Variants in TAFA2 observed in about 807,000 individuals in gnomAD.
TAFA2 encodes the protein chemokine-like protein TAFA-2.
In TAFA2, 7 loss-of-function variants were observed where a neutral mutation model predicts 18.8. The observed-to-expected ratio is 0.37, with a 90% CI of 0.21 to 0.70. The LOEUF (loss-of-function observed/expected upper bound fraction) is 0.70, where lower values mean the gene tolerates loss of function less well. Among genes scored for constraint, TAFA2 ranks in the 30% least tolerant of loss-of-function variants. The pLI is 0.53. For synonymous variants in TAFA2, 60 were observed against 54.2 expected (o/e 1.11, Z -0.47); for missense variants, 122 against 158.1 (o/e 0.77, Z 1.23).
chr12:61,728,095 A>T (rs1382076133), intron 4 of TAFA2, among the ~76,000 whole-genome samples: 3 of 140,170 alleles, frequency 2.1e-5, no homozygotes, highest in African/African-American at 8.0e-5. Context: ...AGAGTACTTG[A>T]TATATTTTGA....
chr12:62,153,991 A>G (rs1210217960), intron 1 of TAFA2, among the ~76,000 whole-genome samples: 1 of 101,416 alleles, frequency 9.9e-6, no homozygotes, highest in Admixed American at 9.2e-5. Context: ...GTTGTTTTGT[A>G]CTAGAGCCTC....
Position 62,019,232 on chromosome 12 carries a change from G to T in TAFA2, c.-1-151806C>A, listed in dbSNP as rs546151350. The stretch of plus-strand genomic sequence containing the variant: ...ACACTTTTACACTGTTGGTGGGACT[G>T]TAAACTAGTTCAGCCATTGTGGAAG... On this transcript the variant is annotated intron_variant, in intron 1 of 4. Coordinates refer to ENST00000416284, the MANE Select transcript of TAFA2 (RefSeq NM_178539.5). 2.4e-3 allele frequency among the ~76,000 whole-genome samples: 370 copies of T among 152,212 alleles called. 1 individual carries two copies. The highest frequency in any genetic ancestry group is 8.1e-3 in the African/African-American group (335 of 41,508).
At chr12:61,720,066 T>C (rs991236306) in intron 4 of TAFA2, among the ~76,000 whole-genome samples, 3 of 152,098 alleles carry the variant, frequency 2.0e-5, no homozygotes, top group African/African-American at 7.2e-5. Flanking sequence ...GTTTCCTAGA[T>C]GTAATTCTTT....
At chr12:62,010,197 G>T (rs1378644719) in intron 1 of TAFA2, among the ~76,000 whole-genome samples, 2 of 120,592 alleles carry the variant, frequency 1.7e-5, no homozygotes, top group Admixed American at 2.4e-4. Flanking sequence ...TCTTTATTTG[G>T]TCTCCCTCTG....
At chr12:61,961,080 T>G (rs2136653623) in intron 1 of TAFA2, among the ~76,000 whole-genome samples, 1 of 151,850 alleles carries the variant, frequency 6.6e-6, no homozygotes, top group South Asian at 2.1e-4. Flanking sequence ...CCTCAGGAAA[T>G]GTACAATCAT....
intron 1 of TAFA2, among the ~76,000 whole-genome samples, chr12:62,062,728 T>C (rs1052808060): frequency 4.6e-5 from 7 of 152,204 alleles, no homozygotes; most frequent in Non-Finnish European, 7.3e-5. Context: ...CTGCATTCCT[T>C]TCTGGAGGCT....
chr12:62,131,625 T>C lies in TAFA2; in HGVS notation c.-2+59634A>G, dbSNP rs758074377. On this transcript the variant is annotated intron_variant, in intron 1 of 4. Transcript: ENST00000416284. ...TTATAACAAAGCAATAGAAACACGA[T>C]TTAAAAAAAATTAATTCAAGGAAAC... is the stretch of plus-strand genomic sequence containing the variant. Among the ~76,000 whole-genome samples the C allele has an allele frequency of 6.3e-4, 96 of 151,674 alleles. 1 individual carries two copies. The highest frequency in any genetic ancestry group is 3.3e-4 in the Admixed American group (5 of 15,204).
At chr12:61,911,164 A>G (rs1056962304) in intron 1 of TAFA2, among the ~76,000 whole-genome samples, 2 of 152,176 alleles carry the variant, frequency 1.3e-5, no homozygotes, top group Admixed American at 6.6e-5. Flanking sequence ...TTTGGGGTTT[A>G]GATTCTACAT....
intron 1 of TAFA2, among the ~76,000 whole-genome samples, chr12:62,097,151 A>T (rs1868986660): frequency 6.6e-6 from 1 of 152,168 alleles, no homozygotes; most frequent in Admixed American, 6.6e-5. Context: ...CAAAAACTGA[A>T]CCAAAAAGAC....
intron 1 of TAFA2, among the ~76,000 whole-genome samples, chr12:62,073,061 A>G (rs769506413): frequency 4.1e-4 from 62 of 152,244 alleles, no homozygotes; most frequent in Non-Finnish European, 7.5e-4. Context: ...AGCAAGAGCT[A>G]AAACAAACTA....
intron 1 of TAFA2, among the ~76,000 whole-genome samples, chr12:61,959,889 G>T (rs1878822652): frequency 6.6e-6 from 1 of 151,652 alleles, no homozygotes; most frequent in Non-Finnish European, 1.5e-5. Flanking sequence ...TTAGAGAGGG[G>T]TGTCACTGTG....
chr12:61,843,951 T>G (rs1873296715), intron 2 of TAFA2, among the ~76,000 whole-genome samples: 1 of 152,094 alleles, frequency 6.6e-6, no homozygotes. Context: ...ACTGAGTCAA[T>G]ATGGTTACTT....
chr12:61,941,912 A>C (rs1323307957), intron 1 of TAFA2, among the ~76,000 whole-genome samples: 2 of 152,146 alleles, frequency 1.3e-5, no homozygotes, highest in Non-Finnish European at 2.9e-5. Flanking sequence ...GATTAGGTAA[A>C]CAAAGCAGCC....
At chr12:61,802,418 T>C (rs1038345902) in intron 2 of TAFA2, among the ~76,000 whole-genome samples, 4 of 152,058 alleles carry the variant, frequency 2.6e-5, no homozygotes, top group African/African-American at 9.7e-5. Context: ...AATGGAATAT[T>C]ATACAGCCAC....
intron 1 of TAFA2, among the ~76,000 whole-genome samples, chr12:62,184,085 T>A (rs940951021): frequency 1.3e-5 from 2 of 152,198 alleles, no homozygotes; most frequent in Non-Finnish European, 2.9e-5. Flanking sequence ...ATCATTATCA[T>A]CATCTTCATC....
At chr12:61,773,281 C>T (rs1427636226) in intron 2 of TAFA2, among the ~76,000 whole-genome samples, 1 of 151,946 alleles carries the variant, frequency 6.6e-6, no homozygotes, top group Non-Finnish European at 1.5e-5. Flanking sequence ...ATCATACTGC[C>T]AAATGCAATT....
At chr12:61,978,793 G>C (rs1879526781) in intron 1 of TAFA2, among the ~76,000 whole-genome samples, 1 of 152,078 alleles carries the variant, frequency 6.6e-6, no homozygotes, top group South Asian at 2.1e-4. Flanking sequence ...GATGCCAGTA[G>C]CTCATGTATC....
chr12:62,126,088 C>T (rs760199808), intron 1 of TAFA2, among the ~76,000 whole-genome samples: 16 of 151,994 alleles, frequency 1.1e-4, no homozygotes, highest in Non-Finnish European at 2.2e-4. Flanking sequence ...ATGGATTATT[C>T]GCTATAAAAT....
chr12:61,798,983 G>A (rs946631390), intron 2 of TAFA2, among the ~76,000 whole-genome samples: 2 of 152,290 alleles, frequency 1.3e-5, no homozygotes, highest in African/African-American at 4.8e-5. Context: ...GCAAGAAGCA[G>A]CACATCTTAG....
Sources: gnomAD v4.1 joint callset for allele counts (sites outside exome capture counted in the v4.1 genomes callset) on GRCh38, gnomAD v4.1.1 for gene constraint, MANE v1.5 for transcripts, NCBI Gene and HGNC (gene_info 2026-07-23, HGNC 2026-07-21) for gene names.